Variants in RUNX1T1 observed in about 807,000 individuals in gnomAD.
RUNX1T1 encodes the protein RUNX1 partner transcriptional co-repressor 1, also known as protein CBFA2T1.
Under a neutral mutation model 62.8 loss-of-function variants are expected in RUNX1T1, and 4 were observed. The observed-to-expected ratio is 0.06, with a 90% CI of 0.03 to 0.15. The LOEUF (loss-of-function observed/expected upper bound fraction) is 0.15, where lower values mean the gene tolerates loss of function less well. Ranked by LOEUF, RUNX1T1 falls within the 10% of genes least tolerant of loss-of-function variation. The probability of loss-of-function intolerance (pLI) is 1.00; values close to 1 mark genes in which losing one functional copy is unlikely to be tolerated. For missense variants in RUNX1T1, 508 were observed against 754.3 expected, an observed-to-expected ratio of 0.67 and a Z score of 3.82; for synonymous variants, 291 against 286.0, an observed-to-expected ratio of 1.02 and a Z score of -0.18.
intron 1 of RUNX1T1, among the ~76,000 whole-genome samples, chr8:92,093,832 G>A (rs1447503043): frequency 6.6e-6 from 1 of 152,198 alleles, no homozygotes; most frequent in Non-Finnish European, 1.5e-5. Context: ...TATAAAATAT[G>A]CAAGATCTAT....
chr8:92,037,349 G>GC (rs1443869995), intron 1 of RUNX1T1, among the ~76,000 whole-genome samples: 2 of 152,166 alleles, frequency 1.3e-5, no homozygotes, highest in Non-Finnish European at 2.9e-5. Flanking sequence ...AGTAACAGCT[G>GC]CATTTCCAGT....
intron 9 of RUNX1T1, among the ~76,000 whole-genome samples, chr8:91,973,521 T>G (rs1813291983): frequency 6.6e-6 from 1 of 152,078 alleles, no homozygotes; most frequent in South Asian, 2.1e-4. Context: ...GTTCTGCCCC[T>G]TTTGTATTTT....
intron 5 of RUNX1T1, among the ~76,000 whole-genome samples, chr8:91,993,896 G>C (rs1818179981): frequency 6.6e-6 from 1 of 152,154 alleles, no homozygotes; most frequent in Non-Finnish European, 1.5e-5. Flanking sequence ...GGAGGCTGAG[G>C]CAGGAGAATC....
intron 2 of RUNX1T1, among the ~76,000 whole-genome samples, chr8:92,068,676 CT>C (rs1311027199): frequency 6.6e-6 from 1 of 152,144 alleles, no homozygotes; most frequent in African/African-American, 2.4e-5. Flanking sequence ...ACTTCACCTT[CT>C]GTTACAGAGC....
At chr8:92,003,285 T>C (rs1259757989) in intron 5 of RUNX1T1, 1 of 450,690 alleles carries the variant, frequency 2.2e-6, no homozygotes, top group Non-Finnish European at 4.4e-6. Context: ...AGTGTTAACA[T>C]ACTGCCCAGC....
At chr8:92,026,690 C>G (rs991675203) in intron 1 of RUNX1T1, among the ~76,000 whole-genome samples, 1 of 151,628 alleles carries the variant, frequency 6.6e-6, no homozygotes, top group Non-Finnish European at 1.5e-5. Context: ...GGCCTGGTGG[C>G]GGGCGCCTGT....
chr8:92,061,390 T>C (rs905126106), intron 1 of RUNX1T1, among the ~76,000 whole-genome samples: 1 of 152,198 alleles, frequency 6.6e-6, no homozygotes, highest in Non-Finnish European at 1.5e-5. Flanking sequence ...GCATGGTGCA[T>C]ATAAATCAAG....
chr8:91,996,448 G>A lies in RUNX1T1; in HGVS notation c.660-4559C>T, dbSNP rs552371298. Among the ~76,000 whole-genome samples, 4 of 152,200 alleles carry A rather than the reference G, an allele frequency of 2.6e-5. No homozygotes were observed. The South Asian group carries it at 8.3e-4, about 32-fold the overall frequency. On this transcript the variant is annotated intron_variant, in intron 5 of 10. Transcript: ENST00000396218. ...GATATCCTGACCTCGCGATCCGCCCGCCTCGGCCTCCCAAAGTGCTGGGAT... is the reference window on the plus strand; with the variant it reads ...GATATCCTGACCTCGCGATCCGCCCACCTCGGCCTCCCAAAGTGCTGGGAT...
intron 8 of RUNX1T1, among the ~76,000 whole-genome samples, chr8:91,982,409 A>C (rs1815528693): frequency 6.6e-6 from 1 of 152,178 alleles, no homozygotes; most frequent in African/African-American, 2.4e-5. Context: ...AAGTGATGTG[A>C]CAACATTCTG....
intron 1 of RUNX1T1, among the ~76,000 whole-genome samples, chr8:92,088,947 G>A (rs1288262501): frequency 6.6e-6 from 1 of 152,094 alleles, no homozygotes; most frequent in East Asian, 1.9e-4. Context: ...TCTCCTTTGT[G>A]GCAAAGAACT....
chr8:92,028,051 C>T (rs1825552315), intron 1 of RUNX1T1, among the ~76,000 whole-genome samples: 2 of 114,176 alleles, frequency 1.8e-5, no homozygotes, highest in African/African-American at 7.1e-5. Context: ...GATGGACGGA[C>T]AGATGGACAG....
chr8:91,958,778 A>G, downstream of RUNX1T1: 1 of 185,630 alleles, frequency 5.4e-6, no homozygotes, highest in Non-Finnish European at 1.1e-5. Flanking sequence ...TCATTGTGAC[A>G]GTGCAAAATA....
At chr8:91,999,044 G>A (rs558417847) in intron 5 of RUNX1T1, among the ~76,000 whole-genome samples, 2 of 152,288 alleles carry the variant, frequency 1.3e-5, no homozygotes, top group Admixed American at 1.3e-4. Flanking sequence ...TATGTGTAAT[G>A]CACTATCCTG....
exon 1 of RUNX1T1, chr8:92,062,697 T>G: frequency 6.2e-7 from 1 of 1,610,396 alleles, no homozygotes; most frequent in Non-Finnish European, 8.5e-7. Flanking sequence ...GGCAGGGTGC[T>G]GGGCGCGTGC....
At chr8:92,056,894 A>T (rs1411699763) in intron 1 of RUNX1T1, among the ~76,000 whole-genome samples, 1 of 152,236 alleles carries the variant, frequency 6.6e-6, no homozygotes, top group African/African-American at 2.4e-5. Context: ...AACAAAAGAT[A>T]GCCAGGATGA....
At chr8:92,040,526 A>T (rs993050701) in intron 1 of RUNX1T1, among the ~76,000 whole-genome samples, 1 of 152,196 alleles carries the variant, frequency 6.6e-6, no homozygotes, top group Non-Finnish European at 1.5e-5. Flanking sequence ...AGGGCATCAA[A>T]TAAGTTATCA....
At chr8:92,008,914 TAAGAA>T (rs1329035699) in intron 4 of RUNX1T1, among the ~76,000 whole-genome samples, 1 of 152,220 alleles carries the variant, frequency 6.6e-6, no homozygotes, top group Non-Finnish European at 1.5e-5. Context: ...AAGATACTAA[TAAGAA>T]AAGATGCTGT....
rs138607707 is a variant in RUNX1T1, at chr8:92,094,475, C to T, written c.-86+5105G>A. On this transcript the variant is annotated intron_variant, in intron 1 of 11. Coordinates refer to the RUNX1T1 transcript ENST00000265814. ...AAATCCAAAATACAAATCTACCTAA[C>T]AGACTTGTAGTGATTTTTTTTTCTC... Among the ~76,000 whole-genome samples the T allele has an allele frequency of 4.1e-4, 63 of 152,306 alleles. No homozygotes were observed. The East Asian group carries it at 0.012, about 29-fold the overall frequency.
intron 1 of RUNX1T1, among the ~76,000 whole-genome samples, chr8:92,077,700 A>G (rs1435411554): frequency 1.3e-5 from 2 of 152,138 alleles, no homozygotes; most frequent in Non-Finnish European, 2.9e-5. Flanking sequence ...AGAGCCTGAC[A>G]AAAGTGGATC....
Sources: allele counts gnomAD v4.1 joint callset (sites outside exome capture counted in the v4.1 genomes callset), GRCh38; gene constraint gnomAD v4.1.1; transcripts MANE v1.5; gene names NCBI Gene and HGNC (gene_info 2026-07-23, HGNC 2026-07-21).